The following ARHGAP15 variants were observed in gnomAD, a reference collection of about 807,000 sequenced individuals.
The protein encoded by ARHGAP15 is rho GTPase-activating protein 15.
Under a neutral mutation model 63.7 loss-of-function variants are expected in ARHGAP15, and 51 were observed. The observed-to-expected ratio is 0.80, with a 90% CI of 0.64 to 1.01. ARHGAP15 has a LOEUF of 1.01. Ranked by LOEUF, ARHGAP15 falls within the 50% of genes least tolerant of loss-of-function variation. The probability of loss-of-function intolerance (pLI) is 0.00; values close to 1 mark genes in which losing one functional copy is unlikely to be tolerated. For synonymous variants in ARHGAP15, 191 were observed against 193.8 expected, an observed-to-expected ratio of 0.99 and a Z score of 0.12; for missense variants, 560 against 564.6, an observed-to-expected ratio of 0.99 and a Z score of 0.08.
chr2:143,313,993 T>G (rs190844718), intron 6 of ARHGAP15, among the ~76,000 whole-genome samples: 1 of 152,040 alleles, frequency 6.6e-6, no homozygotes, highest in African/African-American at 2.4e-5. Flanking sequence ...GTTTTTACAT[T>G]TAGCCTCCAG....
At chr2:143,589,531 A>G (rs935629125) in intron 11 of ARHGAP15, among the ~76,000 whole-genome samples, 7 of 152,182 alleles carry the variant, frequency 4.6e-5, no homozygotes, top group Non-Finnish European at 8.8e-5. Context: ...CAAAGGCCCC[A>G]TCTAGTTTGT....
At chr2:143,556,637 A>C in intron 11 of ARHGAP15, 152 bp downstream of exon 11, 1 of 542,196 alleles carries the variant, frequency 1.8e-6, no homozygotes, top group Non-Finnish European at 3.2e-6. Flanking sequence ...AAAGTAAAAG[A>C]TAACCAACTA....
chr2:143,321,612 T>A (rs1404851984), intron 6 of ARHGAP15, among the ~76,000 whole-genome samples: 1 of 152,250 alleles, frequency 6.6e-6, no homozygotes, highest in African/African-American at 2.4e-5. Context: ...CTGCCAGACA[T>A]GGAGAAGGGC....
At chr2:143,751,972 G>A (rs1245340047) in intron 13 of ARHGAP15, among the ~76,000 whole-genome samples, 1 of 152,182 alleles carries the variant, frequency 6.6e-6, no homozygotes, top group Non-Finnish European at 1.5e-5. Flanking sequence ...TTAGAAGACA[G>A]TGATTTGATA....
At chr2:143,374,635 T>G (rs1459885192) in intron 6 of ARHGAP15, among the ~76,000 whole-genome samples, 1 of 152,136 alleles carries the variant, frequency 6.6e-6, no homozygotes, top group African/African-American at 2.4e-5. Flanking sequence ...CCTAAGTAGC[T>G]GTGACCACAG....
intron 6 of ARHGAP15, among the ~76,000 whole-genome samples, chr2:143,252,568 A>G (rs985261480): frequency 6.6e-6 from 1 of 152,040 alleles, no homozygotes; most frequent in Non-Finnish European, 1.5e-5. Context: ...TAGAGAAACA[A>G]GAGGTGATCA....
At chr2:143,339,299 C>T (rs1381327186) in intron 6 of ARHGAP15, among the ~76,000 whole-genome samples, 1 of 151,998 alleles carries the variant, frequency 6.6e-6, no homozygotes, top group African/African-American at 2.4e-5. Context: ...TTTCTCTACT[C>T]CTGAGTACTC....
intron 6 of ARHGAP15, among the ~76,000 whole-genome samples, chr2:143,281,413 A>G (rs971248977): frequency 6.6e-6 from 1 of 152,176 alleles, no homozygotes; most frequent in African/African-American, 2.4e-5. Flanking sequence ...ATATTAGGAT[A>G]TAATATAATA....
intron 2 of ARHGAP15, among the ~76,000 whole-genome samples, chr2:143,197,429 A>G (rs1300474600): frequency 2.6e-5 from 4 of 151,976 alleles, no homozygotes; most frequent in Non-Finnish European, 5.9e-5. Context: ...TATTTATACT[A>G]TGGCTTAGGA....
intron 12 of ARHGAP15, among the ~76,000 whole-genome samples, chr2:143,630,453 G>A (rs1043080939): frequency 5.3e-5 from 8 of 151,996 alleles, no homozygotes; most frequent in Admixed American, 2.0e-4. Context: ...AAAAGCAATG[G>A]ATTGGGCCCT....
chr2:143,465,463 G>T (rs1037198911), intron 8 of ARHGAP15, among the ~76,000 whole-genome samples: 1 of 152,072 alleles, frequency 6.6e-6, no homozygotes, highest in African/African-American at 2.4e-5. Flanking sequence ...ACATATATGG[G>T]CTATTGAAAA....
chr2:143,712,218 C>T (rs180993399), intron 13 of ARHGAP15, among the ~76,000 whole-genome samples: 5 of 152,136 alleles, frequency 3.3e-5, no homozygotes, highest in East Asian at 1.9e-4. Context: ...CAAGTACATG[C>T]GAGAGGTTAG....
chr2:143,753,138 G>C (rs1057192797), intron 13 of ARHGAP15, among the ~76,000 whole-genome samples: 2 of 152,142 alleles, frequency 1.3e-5, no homozygotes, highest in African/African-American at 4.8e-5. Flanking sequence ...GAATAAGCTC[G>C]TCTCTTAAAT....
At chr2:143,411,861 C>A (rs1440223628) in intron 6 of ARHGAP15, among the ~76,000 whole-genome samples, 6 of 152,018 alleles carry the variant, frequency 3.9e-5, no homozygotes, top group African/African-American at 1.5e-4. Context: ...CCTTTTATAC[C>A]TCCCAGAGGC....
chr2:143,265,417 T>G (rs1680941438), intron 6 of ARHGAP15, among the ~76,000 whole-genome samples: 1 of 152,076 alleles, frequency 6.6e-6, no homozygotes, highest in African/African-American at 2.4e-5. Context: ...AGAAAAGAAA[T>G]TTGATTTCTG....
intron 6 of ARHGAP15, among the ~76,000 whole-genome samples, chr2:143,368,780 C>T (rs1198504328): frequency 2.0e-5 from 3 of 152,018 alleles, no homozygotes; most frequent in Non-Finnish European, 4.4e-5. Context: ...CCATAGGATT[C>T]AAAGCCACCC....
At chr2:143,293,007 A>G (rs1682475604) in intron 6 of ARHGAP15, among the ~76,000 whole-genome samples, 1 of 152,046 alleles carries the variant, frequency 6.6e-6, no homozygotes, top group African/African-American at 2.4e-5. Context: ...GATTTCACTT[A>G]GCTTATCATA....
intron 6 of ARHGAP15, among the ~76,000 whole-genome samples, chr2:143,415,547 C>A (rs573102878): frequency 6.6e-6 from 1 of 152,080 alleles, no homozygotes; most frequent in Admixed American, 6.5e-5. Context: ...GGAATTGCAG[C>A]CTAAATTGGG....
chr2:143,315,840 T>C (rs1016994568), intron 6 of ARHGAP15, among the ~76,000 whole-genome samples: 1 of 152,096 alleles, frequency 6.6e-6, no homozygotes, highest in Admixed American at 6.6e-5. Flanking sequence ...ATCCCAGCAC[T>C]TTGGGAGGCA....
Sources: gnomAD v4.1 joint callset for allele counts (sites outside exome capture counted in the v4.1 genomes callset) on GRCh38, gnomAD v4.1.1 for gene constraint, MANE v1.5 for transcripts, NCBI Gene and HGNC (gene_info 2026-07-23, HGNC 2026-07-21) for gene names.